Variants in FHIT observed in about 807,000 individuals in gnomAD.
The protein encoded by FHIT is bis(5'-adenosyl)-triphosphatase.
FHIT carries 19 observed loss-of-function variants against 17.9 expected under a neutral mutation model. The observed-to-expected ratio is 1.06, with a 90% CI of 0.74 to 1.56. FHIT has a LOEUF of 1.56. FHIT is among the 40% of genes most tolerant of loss of function. The pLI is 0.00. For synonymous variants in FHIT, 81 were observed against 69.7 expected (o/e 1.16, Z -0.81); for missense variants, 248 against 189.2 (o/e 1.31, Z -1.82).
intron 4 of FHIT, among the ~76,000 whole-genome samples, chr3:60,744,258 C>CAAAAAAAAAAA (rs371224955): frequency 3.1e-5 from 3 of 95,630 alleles, no homozygotes; most frequent in Non-Finnish European, 6.2e-5. Context: ...AAAAAAAAAA[C>CAAAAAAAAAAA]AAAACAAAAC....
intron 5 of FHIT, among the ~76,000 whole-genome samples, chr3:60,069,312 T>C (rs9818696): frequency 0.09 from 13,687 of 152,232 alleles, 841 homozygotes; most frequent in African/African-American, 0.18. Context: ...ATAAAAAATA[T>C]CCAAATAGTT....
At chr3:60,510,546 G>T (rs2034910492) in intron 5 of FHIT, among the ~76,000 whole-genome samples, 1 of 151,900 alleles carries the variant, frequency 6.6e-6, no homozygotes, top group Admixed American at 6.6e-5. Flanking sequence ...CTTCCACTAG[G>T]GTCAGCATCG....
intron 4 of FHIT, among the ~76,000 whole-genome samples, chr3:60,688,018 G>T (rs1374149289): frequency 6.7e-6 from 1 of 149,686 alleles, no homozygotes; most frequent in Non-Finnish European, 1.5e-5. Flanking sequence ...CCATTCTATT[G>T]TTCTTTCTTT....
chr3:61,249,792 T>C (rs930686075), intron 1 of FHIT, among the ~76,000 whole-genome samples: 9 of 152,056 alleles, frequency 5.9e-5, no homozygotes, highest in Non-Finnish European at 1.2e-4. Context: ...AAATGGGAAA[T>C]GTAGTATTAA....
chr3:60,351,389 T>C (rs1010698982), intron 5 of FHIT, among the ~76,000 whole-genome samples: 2 of 152,150 alleles, frequency 1.3e-5, no homozygotes, highest in African/African-American at 4.8e-5. Context: ...TTGATGGGCA[T>C]AGTGGAAAGA....
At chr3:59,968,231 GT>G (rs1708018579) in intron 7 of FHIT, among the ~76,000 whole-genome samples, 1 of 151,990 alleles carries the variant, frequency 6.6e-6, no homozygotes, top group African/African-American at 2.4e-5. Context: ...CTCTACCAAG[GT>G]CAGGGGGCCA....
chr3:60,181,630 G>A (rs577144434), intron 5 of FHIT, among the ~76,000 whole-genome samples: 1 of 152,316 alleles, frequency 6.6e-6, no homozygotes, highest in East Asian at 1.9e-4. Context: ...GTAAAGACAT[G>A]TTTAATAAGC....
chr3:61,115,711 T>C (rs747424766), intron 2 of FHIT, among the ~76,000 whole-genome samples: 2 of 152,052 alleles, frequency 1.3e-5, no homozygotes, highest in Non-Finnish European at 2.9e-5. Flanking sequence ...GTTGAGAGGA[T>C]ATGATGAGAC....
At chr3:60,522,748 T>A (rs2035420738) in intron 5 of FHIT, among the ~76,000 whole-genome samples, 1 of 152,222 alleles carries the variant, frequency 6.6e-6, no homozygotes, top group African/African-American at 2.4e-5. Context: ...TCTGGTGTTG[T>A]GCACATTTCT....
At chr3:60,141,552 T>C (rs545588836) in intron 5 of FHIT, among the ~76,000 whole-genome samples, 1 of 152,240 alleles carries the variant, frequency 6.6e-6, no homozygotes, top group East Asian at 1.9e-4. Context: ...GTCATCAAAC[T>C]CATATAGAAT....
intron 1 of FHIT, among the ~76,000 whole-genome samples, chr3:61,213,971 A>G (rs1410519237): frequency 2.6e-5 from 4 of 152,240 alleles, no homozygotes; most frequent in Non-Finnish European, 5.9e-5. Context: ...GAACAAAGAC[A>G]CAACATACCA....
intron 5 of FHIT, among the ~76,000 whole-genome samples, chr3:60,101,479 T>C (rs1311668730): frequency 6.6e-6 from 1 of 152,214 alleles, no homozygotes; most frequent in South Asian, 2.1e-4. Flanking sequence ...TCTCTACCTA[T>C]GCTTTCTACA....
At chr3:60,969,700 G>C (rs181989585) in intron 3 of FHIT, among the ~76,000 whole-genome samples, 283 of 152,140 alleles carry the variant, frequency 1.9e-3, no homozygotes, top group African/African-American at 6.2e-3. Flanking sequence ...TAAACTCTAT[G>C]GTTTAAAGCC....
At chr3:60,936,415 T>G (rs1708192589) in intron 3 of FHIT, among the ~76,000 whole-genome samples, 1 of 152,222 alleles carries the variant, frequency 6.6e-6, no homozygotes, top group Non-Finnish European at 1.5e-5. Flanking sequence ...AATGTGTGTT[T>G]GTTAAAGATT....
chr3:60,746,392 A>G (rs2042357203), intron 4 of FHIT, among the ~76,000 whole-genome samples: 1 of 152,236 alleles, frequency 6.6e-6, no homozygotes, highest in South Asian at 2.1e-4. Flanking sequence ...TGAAAATGAA[A>G]GGATGAGTTT....
chr3:60,400,511 A>G (rs1357418368), intron 5 of FHIT, among the ~76,000 whole-genome samples: 1 of 152,074 alleles, frequency 6.6e-6, no homozygotes, highest in East Asian at 1.9e-4. Context: ...AGAAACACCA[A>G]CCTTGGGTTA....
intron 5 of FHIT, among the ~76,000 whole-genome samples, chr3:60,498,123 A>C (rs2107516897): frequency 6.6e-6 from 1 of 152,340 alleles, no homozygotes. Flanking sequence ...AGGGAGCTAG[A>C]CTTGGCTCCA....
At chr3:59,826,667 A>G (rs1410502430) in intron 8 of FHIT, among the ~76,000 whole-genome samples, 1 of 152,246 alleles carries the variant, frequency 6.6e-6, no homozygotes, top group Non-Finnish European at 1.5e-5. Context: ...CGAGTCTCAT[A>G]CACGGGAGTC....
chr3:60,401,768 A>G (rs1051100599), intron 5 of FHIT, among the ~76,000 whole-genome samples: 1 of 152,218 alleles, frequency 6.6e-6, no homozygotes, highest in Non-Finnish European at 1.5e-5. Context: ...ATTCTGGTAC[A>G]AAAGCAGTTG....
Sources: allele counts gnomAD v4.1 joint callset (sites outside exome capture counted in the v4.1 genomes callset), GRCh38; gene constraint gnomAD v4.1.1; transcripts MANE v1.5; gene names NCBI Gene and HGNC (gene_info 2026-07-23, HGNC 2026-07-21).